The following UBR3 variants were observed in gnomAD, a reference collection of about 807,000 sequenced individuals.
The protein encoded by UBR3 is E3 ubiquitin-protein ligase UBR3.
Under a neutral mutation model 243.2 loss-of-function variants are expected in UBR3, and 85 were observed. The ratio of observed to expected loss-of-function variants is 0.35; its 90% CI spans 0.29 to 0.42. UBR3 has a LOEUF of 0.42. Ranked by LOEUF, UBR3 falls within the 10% of genes least tolerant of loss-of-function variation. The pLI is 1.00. For synonymous variants in UBR3, 748 were observed against 799.8 expected, an observed-to-expected ratio of 0.94 and a Z score of 1.09; for missense variants, 1,686 against 2,300.8, an observed-to-expected ratio of 0.73 and a Z score of 5.47.
intron 10 of UBR3, among the ~76,000 whole-genome samples, chr2:169,907,760 CT>C (rs942082730): frequency 6.6e-6 from 1 of 151,022 alleles, no homozygotes; most frequent in South Asian, 2.1e-4. Context: ...AATTCGTTAT[CT>C]TTTTTTTTAA....
intron 36 of UBR3, chr2:170,077,549 T>C (rs2091835292): frequency 1.5e-6 from 1 of 685,142 alleles, no homozygotes; most frequent in East Asian, 2.7e-5. Flanking sequence ...AAGCAGACTT[T>C]AGTAACCATC....
intron 35 of UBR3, among the ~76,000 whole-genome samples, chr2:170,063,294 T>C (rs1300084225): frequency 6.6e-6 from 1 of 152,006 alleles, no homozygotes; most frequent in African/African-American, 2.4e-5. Context: ...AAGGAGGAAA[T>C]ACAGGGCAGA....
chr2:169,926,764 G>C lies in UBR3; in HGVS notation c.2204+20G>C. ...TGAAAGGTAGGCATAATTTTATTAA[G>C]ACAGGTATTAGGAAGTGTCCAGTTA... On this transcript the variant is annotated intron_variant, in intron 15 of 38. Transcript: ENST00000272793. 1 of 1,548,366 alleles carries C rather than the reference G, an allele frequency of 6.5e-7. No individual in the cohort carries two copies. Among genetic ancestry groups the C allele is most frequent in the South Asian group, 1.2e-5 (1 of 83,012 alleles).
chr2:169,899,495 G>GT (rs902437615), intron 8 of UBR3, among the ~76,000 whole-genome samples: 3 of 151,628 alleles, frequency 2.0e-5, no homozygotes, highest in East Asian at 3.9e-4. Flanking sequence ...CAAAAATGGT[G>GT]TTTTTTTTAA....
intron 25 of UBR3, among the ~76,000 whole-genome samples, chr2:169,988,928 T>TC: frequency 6.6e-6 from 1 of 152,170 alleles, no homozygotes; most frequent in Admixed American, 6.5e-5. Context: ...ATTGATACTT[T>TC]CCCCCTTTTA....
chr2:170,080,424 C>A, intron 37 of UBR3, 121 bp from the exon 38 acceptor site: 2 of 1,070,090 alleles, frequency 1.9e-6, no homozygotes, highest in Non-Finnish European at 2.6e-6. Flanking sequence ...ATAAGTTTAA[C>A]TTAAATGAAA....
chr2:169,927,493 A>T, intron 17 of UBR3, 88 bp downstream of exon 17: 4 of 1,074,862 alleles, frequency 3.7e-6, no homozygotes, highest in Non-Finnish European at 5.2e-6. Context: ...TTTTTGATTA[A>T]TTTTTTTTCA....
rs1488793550 is a variant in UBR3, at chr2:169,891,223, G to A, written c.1097G>A (p.Gly366Asp). The A allele has an allele frequency of 2.6e-6, 4 of 1,548,532 alleles. No individual in the cohort carries two copies. The South Asian group carries it at 3.6e-5, about 14-fold the overall frequency. The change falls in exon 6 of 39, where the codon GGC becomes GAC. Residue 366 changes from glycine (G) to aspartate (D), a missense_variant. By Grantham distance (94) the Gly-to-Asp change is moderately conservative. Around this residue, in one of 8 missense-constraint regions of UBR3, gnomAD observed 200 missense variants for 231.6 expected, o/e 0.86. Transcript: ENST00000272793. Reference protein sequence around the residue: ...GKRKRVKLSSGTKDQSIMDVL... With the variant: ...GKRKRVKLSSDTKDQSIMDVL... ...AGAAAAAGGGTAAAACTAAGCAGTG[G>A]CACCAAAGGTATTTGTATTTATTAT...
At chr2:169,936,644 T>C (rs1240084569) in intron 19 of UBR3, among the ~76,000 whole-genome samples, 1 of 152,082 alleles carries the variant, frequency 6.6e-6, no homozygotes. Context: ...TTACATTAGG[T>C]ATATCTCCTA....
At chr2:169,952,336 A>G (rs970850348) in intron 23 of UBR3, among the ~76,000 whole-genome samples, 2 of 152,212 alleles carry the variant, frequency 1.3e-5, no homozygotes, top group East Asian at 3.8e-4. Flanking sequence ...GGAGTTCAAT[A>G]AGATTGGCCA....
chr2:170,057,891 C>T (rs372043465), intron 33 of UBR3, among the ~76,000 whole-genome samples: 1 of 151,978 alleles, frequency 6.6e-6, no homozygotes, highest in Non-Finnish European at 1.5e-5. Flanking sequence ...TGATTTACTA[C>T]GTTATTAGCT....
At chr2:169,919,182 T>G (rs2085588982) in intron 11 of UBR3, among the ~76,000 whole-genome samples, 1 of 152,180 alleles carries the variant, frequency 6.6e-6, no homozygotes, top group Non-Finnish European at 1.5e-5. Flanking sequence ...AAGATGAGGC[T>G]GGAGAGGTAA....
chr2:170,071,408 A>C (rs997466495), intron 35 of UBR3, among the ~76,000 whole-genome samples: 3 of 152,200 alleles, frequency 2.0e-5, no homozygotes, highest in Non-Finnish European at 4.4e-5. Context: ...TACATCCTGT[A>C]TGATTTTAAT....
intron 1 of UBR3, among the ~76,000 whole-genome samples, chr2:169,833,168 T>TA (rs914490871): frequency 1.1e-4 from 16 of 152,244 alleles, no homozygotes; most frequent in African/African-American, 2.4e-4. Flanking sequence ...CATGTTTAGT[T>TA]AAAAAAATCC....
intron 35 of UBR3, among the ~76,000 whole-genome samples, chr2:170,071,793 G>T (rs2091702979): frequency 6.6e-6 from 1 of 152,148 alleles, no homozygotes; most frequent in South Asian, 2.1e-4. Context: ...AATTAGTTTT[G>T]CAGACATTTG....
intron 1 of UBR3, among the ~76,000 whole-genome samples, chr2:169,845,519 G>T (rs1345695958): frequency 6.9e-6 from 1 of 145,276 alleles, no homozygotes; most frequent in Non-Finnish European, 1.5e-5. Flanking sequence ...CGTCGTCGTC[G>T]TCGTCGTCGT....
intron 1 of UBR3, among the ~76,000 whole-genome samples, chr2:169,864,800 G>A (rs148137518): frequency 0.14 from 21,304 of 151,566 alleles, 2,030 homozygotes; most frequent in East Asian, 0.44. Context: ...CCAGCTACTC[G>A]GAAGGCTGAG....
intron 31 of UBR3, among the ~76,000 whole-genome samples, chr2:170,039,808 T>C (rs1317811684): frequency 1.3e-5 from 2 of 152,204 alleles, no homozygotes; most frequent in African/African-American, 4.8e-5. Context: ...AAAATTCTTT[T>C]AGAATAAGCT....
rs756011816 is a variant in UBR3, at chr2:169,958,494, A to G, written c.3602A>G (p.Gln1201Arg). 1 of 1,613,070 alleles carries G rather than the reference A, an allele frequency of 6.2e-7. No homozygotes were observed. The highest frequency in any genetic ancestry group is 1.3e-5 in the African/African-American group (1 of 74,886). Residue 1201 changes from glutamine (Q) to arginine (R), a missense_variant, in exon 24 of 39, where the codon CAG becomes CGG. Physicochemically the swap from Gln to Arg is conservative, Grantham distance 43. This residue lies in a region of UBR3 where 156 missense variants were observed against 246.3 expected (regional missense o/e 0.63). Transcript: ENST00000272793. ...TTGCTTGCGGAGTTTGCTTCACGAC[A>G]GAAAAGCTTTATGGAAACTGCAATG... ...QKLLAEFASR[Q>R]KSFMETAMDV...
Sources: allele counts gnomAD v4.1 joint callset (sites outside exome capture counted in the v4.1 genomes callset), GRCh38; gene constraint gnomAD v4.1.1; regional missense constraint gnomAD v4.1.1; transcripts MANE v1.5; gene names NCBI Gene and HGNC (gene_info 2026-07-23, HGNC 2026-07-21).